The following GPHN variants were observed in gnomAD, a reference collection of about 807,000 sequenced individuals.
The protein encoded by GPHN is gephyrin.
Under a neutral mutation model 95.5 loss-of-function variants are expected in GPHN, and 17 were observed. The observed-to-expected ratio is 0.18, with a 90% CI of 0.12 to 0.27. The LOEUF is 0.27. Among genes scored for constraint, GPHN ranks in the 10% least tolerant of loss-of-function variants. The probability of loss-of-function intolerance (pLI) is 1.00; values close to 1 mark genes in which losing one functional copy is unlikely to be tolerated. For missense variants in GPHN, 660 were observed against 978.1 expected, an observed-to-expected ratio of 0.67 and a Z score of 4.34; for synonymous variants, 320 against 322.5, an observed-to-expected ratio of 0.99 and a Z score of 0.08.
At chr14:67,578,664 G>C in the GPHN span, 82 of 1,332,764 alleles carry the variant, frequency 6.2e-5, no homozygotes, top group Non-Finnish European at 8.3e-5. The surrounding 1 kb of genome is among the most constrained non-coding windows in gnomAD (Gnocchi z 5.0). Context: ...TCTGCCACTT[G>C]AGCACTGCCA....
the GPHN span, chr14:67,381,568 A>G: frequency 1.2e-4 from 185 of 1,590,026 alleles, no homozygotes; most frequent in Middle Eastern, 6.7e-4. Context: ...ATTTTTTATC[A>G]ACTTTTGAAT....
the GPHN span, among the ~76,000 whole-genome samples, chr14:67,284,445 C>A: frequency 1.2e-3 from 103 of 84,662 alleles, no homozygotes; most frequent in East Asian, 8.0e-3. Flanking sequence ...AAAAAAAAAA[C>A]AGCTGGGCAT....
chr14:66,509,244 A>G (rs574902643), intron 1 of GPHN: 2 of 152,836 alleles, frequency 1.3e-5, no homozygotes, highest in South Asian at 4.1e-4. Context: ...TTTCCGCGCA[A>G]AAGGCCCTCT....
chr14:67,731,148 G>A, the GPHN span, among the ~76,000 whole-genome samples: 1 of 148,900 alleles, frequency 6.7e-6, no homozygotes, highest in Admixed American at 6.7e-5. Flanking sequence ...GTAGCTGCTA[G>A]AAAATTCAAA....
chr14:67,007,842 AAG>A (rs1039455950), intron 9 of GPHN, among the ~76,000 whole-genome samples: 1 of 152,158 alleles, frequency 6.6e-6, no homozygotes, highest in African/African-American at 2.4e-5. Flanking sequence ...ATGAATGAAA[AAG>A]AGGGAGGAGT....
chr14:66,620,635 C>T (rs569601639), intron 1 of GPHN, among the ~76,000 whole-genome samples: 11 of 152,220 alleles, frequency 7.2e-5, no homozygotes, highest in African/African-American at 2.6e-4. Context: ...TGAGATTTGG[C>T]AGAGGGGACA....
At chr14:67,102,032 C>T (rs1182828286) in intron 13 of GPHN, among the ~76,000 whole-genome samples, 4 of 151,954 alleles carry the variant, frequency 2.6e-5, no homozygotes, top group Middle Eastern at 3.4e-3. Context: ...CCACCACGCC[C>T]GCCTAATTTT....
intron 9 of GPHN, among the ~76,000 whole-genome samples, chr14:67,022,855 TAAC>T (rs1410679137): frequency 6.6e-6 from 1 of 151,920 alleles, no homozygotes; most frequent in East Asian, 1.9e-4. Context: ...CTTTTGAAAT[TAAC>T]AACATGTTAA....
the GPHN span, among the ~76,000 whole-genome samples, chr14:67,445,401 A>G: frequency 6.6e-6 from 1 of 151,820 alleles, no homozygotes; most frequent in African/African-American, 2.4e-5. Context: ...ATGGAACTGA[A>G]CTGGGGGACA....
intron 1 of GPHN, among the ~76,000 whole-genome samples, chr14:66,530,706 C>T (rs1233947767): frequency 2.0e-5 from 3 of 152,058 alleles, no homozygotes; most frequent in Admixed American, 6.5e-5. Flanking sequence ...CCCTTGGCTA[C>T]GGATGGGAAT....
chr14:67,014,102 C>CA (rs570691798), intron 9 of GPHN, among the ~76,000 whole-genome samples: 141 of 150,114 alleles, frequency 9.4e-4, no homozygotes, highest in African/African-American at 1.5e-3. Context: ...ACACGCAAAA[C>CA]AAAAAAAAAT....
chr14:66,829,719 G>C (rs1274953158), intron 4 of GPHN, among the ~76,000 whole-genome samples: 3 of 152,146 alleles, frequency 2.0e-5, no homozygotes, highest in Admixed American at 2.0e-4. Flanking sequence ...AAATAGTTGA[G>C]TAAAAGCCTA....
chr14:66,867,404 A>G (rs1223139267), intron 4 of GPHN, among the ~76,000 whole-genome samples: 1 of 152,204 alleles, frequency 6.6e-6, no homozygotes, highest in Non-Finnish European at 1.5e-5. Flanking sequence ...TGCTTTTACA[A>G]TAATGTGACT....
intron 2 of GPHN, among the ~76,000 whole-genome samples, chr14:66,721,507 T>A (rs1481364870): frequency 2.0e-5 from 3 of 152,198 alleles, no homozygotes; most frequent in Non-Finnish European, 4.4e-5. Context: ...CATCAGTTCT[T>A]ATTTGACAGT....
the GPHN span, chr14:67,690,544 T>C: frequency 1.3e-6 from 1 of 770,510 alleles, no homozygotes; most frequent in Non-Finnish European, 2.1e-6. Context: ...CTCCAACTTT[T>C]CATTATCAAC....
At chr14:67,700,190 G>C in the GPHN span, among the ~76,000 whole-genome samples, 1 of 151,992 alleles carries the variant, frequency 6.6e-6, no homozygotes. Context: ...AGAGTTATGA[G>C]TGTACACTAT....
chr14:66,615,768 A>G (rs1216679483), intron 1 of GPHN, among the ~76,000 whole-genome samples: 1 of 150,126 alleles, frequency 6.7e-6, no homozygotes, highest in Non-Finnish European at 1.5e-5. Flanking sequence ...TGCTTTTGGC[A>G]TTTTCATCAT....
At chr14:66,528,731 G>A (rs1393445854) in intron 1 of GPHN, among the ~76,000 whole-genome samples, 1 of 152,156 alleles carries the variant, frequency 6.6e-6, no homozygotes, top group African/African-American at 2.4e-5. Flanking sequence ...GCTTAGTTTG[G>A]CTGGATATGT....
At chr14:67,344,884 G>GA in the GPHN span, among the ~76,000 whole-genome samples, 11 of 145,274 alleles carry the variant, frequency 7.6e-5, no homozygotes, top group Non-Finnish European at 1.4e-4. Flanking sequence ...CTGTCTCAAA[G>GA]AAAAAAACAA....
Sources: allele counts gnomAD v4.1 joint callset (sites outside exome capture counted in the v4.1 genomes callset), GRCh38; gene constraint gnomAD v4.1.1; non-coding constraint Gnocchi (gnomAD v3.1); transcripts MANE v1.5; gene names NCBI Gene and HGNC (gene_info 2026-07-23, HGNC 2026-07-21).